The following COA1 variants were observed in gnomAD, a reference collection of about 807,000 sequenced individuals.
COA1 encodes cytochrome c oxidase assembly factor 1.
Under a neutral mutation model 16.0 loss-of-function variants are expected in COA1, and 13 were observed. The ratio of observed to expected loss-of-function variants is 0.81; its 90% CI spans 0.53 to 1.29. COA1 has a LOEUF of 1.29. Among genes scored for constraint, COA1 ranks in the 50% most tolerant of loss-of-function variants. The pLI is 0.00. For missense variants in COA1, 179 were observed against 177.0 expected (o/e 1.01, Z -0.06); for synonymous variants, 65 against 65.7 (o/e 0.99, Z 0.05).
At chr7:43,618,762 G>A (rs2083578450) in intron 6 of COA1, among the ~76,000 whole-genome samples, 1 of 152,088 alleles carries the variant, frequency 6.6e-6, no homozygotes, top group African/African-American at 2.4e-5. Flanking sequence ...CTGATTCTGT[G>A]GCTCTGGGGA....
intron 1 of COA1, among the ~76,000 whole-genome samples, chr7:43,710,571 T>C (rs1240070558): frequency 6.6e-6 from 1 of 151,662 alleles, no homozygotes; most frequent in African/African-American, 2.4e-5. Flanking sequence ...ATGTCTGGCT[T>C]GAGTAAAGGA....
downstream of COA1, among the ~76,000 whole-genome samples, chr7:43,638,457 A>G (rs1423072318): frequency 1.3e-5 from 2 of 152,014 alleles, no homozygotes; most frequent in Non-Finnish European, 2.9e-5. Context: ...GACTAATAAA[A>G]CCTAAGGATA....
chr7:43,654,615 G>T (rs1447453841), intron 1 of COA1, among the ~76,000 whole-genome samples: 1 of 150,532 alleles, frequency 6.6e-6, no homozygotes, highest in Non-Finnish European at 1.5e-5. Context: ...GAAAGAACAA[G>T]AATATAAAAA....
intron 1 of COA1, among the ~76,000 whole-genome samples, chr7:43,720,500 T>A (rs1173680535): frequency 2.0e-5 from 3 of 151,538 alleles, no homozygotes; most frequent in Non-Finnish European, 4.4e-5. Context: ...ATATGGGGAG[T>A]GACATGATCA....
chr7:43,664,103 AAGAGAGAG>A (rs141990456), intron 1 of COA1, among the ~76,000 whole-genome samples: 19 of 135,144 alleles, frequency 1.4e-4, no homozygotes, highest in South Asian at 2.5e-4. Context: ...TGTCTTTAGA[AAGAGAGAG>A]AGAGAGAGAG....
At chr7:43,679,090 C>T (rs575428539) in intron 1 of COA1, among the ~76,000 whole-genome samples, 3 of 152,092 alleles carry the variant, frequency 2.0e-5, no homozygotes, top group African/African-American at 7.2e-5. Context: ...ACCAGCCTGG[C>T]CAACATGGTG....
intron 1 of COA1, among the ~76,000 whole-genome samples, chr7:43,651,347 C>T (rs3779060): frequency 0.081 from 12,336 of 152,198 alleles, 594 homozygotes; most frequent in East Asian, 0.18. Flanking sequence ...AAGCACTGGC[C>T]AAGGTCTCTG....
At chr7:43,638,106 C>CTT (rs1259855939), downstream of COA1, among the ~76,000 whole-genome samples, 2 of 152,062 alleles carry the variant, frequency 1.3e-5, no homozygotes, top group East Asian at 3.9e-4. Context: ...CAGGGAGACA[C>CTT]TTTTCACTGT....
chr7:43,725,454 G>A (rs1210017208), intron 1 of COA1, among the ~76,000 whole-genome samples: 2 of 152,168 alleles, frequency 1.3e-5, no homozygotes, highest in African/African-American at 4.8e-5. Flanking sequence ...CAAGCCAAGG[G>A]GAAAGAATGA....
intron 6 of COA1, among the ~76,000 whole-genome samples, chr7:43,628,147 C>T (rs551685170): frequency 6.6e-6 from 1 of 152,096 alleles, no homozygotes; most frequent in Admixed American, 6.5e-5. Context: ...CCACCACACC[C>T]GGCTAATTTT....
At chr7:43,712,263 C>T (rs1051366064) in intron 1 of COA1, among the ~76,000 whole-genome samples, 4 of 152,144 alleles carry the variant, frequency 2.6e-5, no homozygotes, top group African/African-American at 9.7e-5. Flanking sequence ...CAGGCGCCCA[C>T]CACCATGCCC....
At chr7:43,646,279 G>C (rs924319961) in intron 3 of COA1, 5 of 282,858 alleles carry the variant, frequency 1.8e-5, no homozygotes, top group Non-Finnish European at 3.6e-5. Context: ...GATAGGAAAA[G>C]AAGGGACAGA....
At chr7:43,721,859 C>G (rs1313629020) in intron 1 of COA1, among the ~76,000 whole-genome samples, 2 of 151,738 alleles carry the variant, frequency 1.3e-5, no homozygotes, top group Non-Finnish European at 2.9e-5. Context: ...TGAAAGTATT[C>G]ACATAAATTT....
At position 43,625,027 on chromosome 7, in the gene COA1, AT is replaced by A; in HGVS notation, c.*133+14421del. 8.1e-6 allele frequency: 4 copies of A among 495,800 alleles called. No individual in the cohort carries two copies. The South Asian group carries it at 1.3e-4, about 16-fold the overall frequency. 30.7% of individuals were successfully genotyped at this position (495,800 alleles called of 1,614,324 possible). On this transcript the variant is annotated intron_variant and NMD_transcript_variant, in intron 6 of 6. Coordinates refer to the COA1 transcript ENST00000415076. ...GATTTTAAAAGTTGCCAACCAGGAGATTTAACAGGTACAGTTACCCGTTTCA... is the reference window on the plus strand; with the variant it reads ...GATTTTAAAAGTTGCCAACCAGGAGATTAACAGGTACAGTTACCCGTTTCA...
chr7:43,639,748 A>C (rs1218825808), intron 5 of COA1, 67 bp from the exon 6 acceptor site: 2 of 1,261,144 alleles, frequency 1.6e-6, no homozygotes, highest in Admixed American at 3.9e-5. Context: ...TAGTCAAAAA[A>C]AGGGGCGCGG....
downstream of COA1, among the ~76,000 whole-genome samples, chr7:43,637,911 A>AGAT (rs1205857849): frequency 1.3e-5 from 2 of 152,246 alleles, no homozygotes; most frequent in African/African-American, 2.4e-5. Flanking sequence ...TCAAACACTA[A>AGAT]GATAAAGTAA....
chr7:43,649,567 C>G (rs1246781293), intron 1 of COA1: 1 of 152,128 alleles, frequency 6.6e-6, no homozygotes, highest in Non-Finnish European at 1.5e-5. Context: ...TCTGGTCAGA[C>G]AGTAAGAATA....
intron 6 of COA1, chr7:43,609,760 T>C (rs1034873898): frequency 1.3e-5 from 2 of 152,214 alleles, no homozygotes; most frequent in African/African-American, 4.8e-5. Flanking sequence ...TTAGGAAGGA[T>C]GGTAACCTGA....
intron 1 of COA1, among the ~76,000 whole-genome samples, chr7:43,696,312 T>C (rs1277440834): frequency 6.6e-6 from 1 of 152,184 alleles, no homozygotes; most frequent in African/African-American, 2.4e-5. Context: ...GAGAACAGTA[T>C]GGGGGGAACC....
Sources: gnomAD v4.1 joint callset for allele counts (sites outside exome capture counted in the v4.1 genomes callset) on GRCh38, gnomAD v4.1.1 for gene constraint, MANE v1.5 for transcripts, NCBI Gene and HGNC (gene_info 2026-07-23, HGNC 2026-07-21) for gene names.